Variants in GABRB2 observed in about 807,000 individuals in gnomAD.
GABRB2 encodes the protein gamma-aminobutyric acid receptor subunit beta-2.
In GABRB2, 16 loss-of-function variants were observed where a neutral mutation model predicts 54.7. That is an observed-to-expected ratio of 0.29 (90% CI 0.20 to 0.44). The LOEUF (loss-of-function observed/expected upper bound fraction) is 0.44. Ranked by LOEUF, GABRB2 falls within the 20% of genes least tolerant of loss-of-function variation. The pLI is 1.00. For missense variants in GABRB2, 355 were observed against 644.0 expected, an observed-to-expected ratio of 0.55 and a Z score of 4.86; for synonymous variants, 244 against 233.8, an observed-to-expected ratio of 1.04 and a Z score of -0.40.
chr5:161,542,787 A>G (rs1760860660), intron 3 of GABRB2, among the ~76,000 whole-genome samples: 1 of 152,214 alleles, frequency 6.6e-6, no homozygotes, highest in African/African-American at 2.4e-5. Context: ...TTGAAGTTTC[A>G]TTTAAGTAAC....
chr5:161,434,099 T>C (rs1247477648), intron 4 of GABRB2, among the ~76,000 whole-genome samples: 1 of 152,174 alleles, frequency 6.6e-6, no homozygotes, highest in Non-Finnish European at 1.5e-5. Flanking sequence ...ATTAAAATAA[T>C]GTATTGTGGA....
At chr5:161,331,552 G>A (rs1232781692) in intron 7 of GABRB2, among the ~76,000 whole-genome samples, 2 of 152,026 alleles carry the variant, frequency 1.3e-5, no homozygotes, top group Non-Finnish European at 2.9e-5. Context: ...CCAGAACTGG[G>A]GGTCAAAAGT....
At chr5:161,453,927 A>G (rs1757867534) in intron 4 of GABRB2, among the ~76,000 whole-genome samples, 1 of 151,348 alleles carries the variant, frequency 6.6e-6, no homozygotes, top group Non-Finnish European at 1.5e-5. Flanking sequence ...AATCCTAGTT[A>G]CTCGGGAGGC....
chr5:161,388,458 C>A (rs375099463), intron 5 of GABRB2, among the ~76,000 whole-genome samples: 1 of 151,964 alleles, frequency 6.6e-6, no homozygotes, highest in African/African-American at 2.4e-5. Context: ...TTTTATTATG[C>A]ACATCACATA....
At chr5:161,334,614 TCA>T in intron 7 of GABRB2, 136 bp downstream of exon 7, 1 of 768,682 alleles carries the variant, frequency 1.3e-6, no homozygotes, top group Non-Finnish European at 2.1e-6. Context: ...ACCCAAAGTC[TCA>T]TAGCGAAACT....
At chr5:161,493,460 A>G (rs1440879781) in intron 3 of GABRB2, among the ~76,000 whole-genome samples, 2 of 151,644 alleles carry the variant, frequency 1.3e-5, no homozygotes, top group Non-Finnish European at 3.0e-5. Context: ...TTATTTCCCC[A>G]TTGGTTTGAA....
At chr5:161,317,905 A>C (rs2113375342) in intron 9 of GABRB2, among the ~76,000 whole-genome samples, 1 of 152,214 alleles carries the variant, frequency 6.6e-6, no homozygotes, top group African/African-American at 2.4e-5. Flanking sequence ...ATACAAGTTA[A>C]AATAACAAGA....
chr5:161,533,702 A>C (rs1760538721), intron 3 of GABRB2, among the ~76,000 whole-genome samples: 1 of 152,154 alleles, frequency 6.6e-6, no homozygotes, highest in Non-Finnish European at 1.5e-5. Flanking sequence ...AAGATAATAA[A>C]TTAAAATGTA....
At chr5:161,298,031 C>T (rs1177751965) in intron 9 of GABRB2, among the ~76,000 whole-genome samples, 1 of 152,120 alleles carries the variant, frequency 6.6e-6, no homozygotes. Flanking sequence ...CTCTAATGAC[C>T]AGTGATGATG....
At chr5:161,401,575 C>T (rs867383932) in intron 5 of GABRB2, among the ~76,000 whole-genome samples, 4 of 152,212 alleles carry the variant, frequency 2.6e-5, no homozygotes, top group South Asian at 2.1e-4. Context: ...TTACCTTGTA[C>T]AATAATTGTA....
At chr5:161,505,424 C>T (rs200939296) in intron 3 of GABRB2, among the ~76,000 whole-genome samples, 1 of 152,128 alleles carries the variant, frequency 6.6e-6, no homozygotes, top group African/African-American at 2.4e-5. Context: ...AGCCACCGCA[C>T]CCAGCCAAGT....
chr5:161,298,144 T>C (rs1757436759), intron 9 of GABRB2, among the ~76,000 whole-genome samples: 1 of 152,206 alleles, frequency 6.6e-6, no homozygotes, highest in Non-Finnish European at 1.5e-5. Flanking sequence ...CTCTTGTTAA[T>C]TTGTTTAAGT....
intron 4 of GABRB2, among the ~76,000 whole-genome samples, chr5:161,417,642 T>G (rs567156676): frequency 6.6e-6 from 1 of 152,238 alleles, no homozygotes; most frequent in Non-Finnish European, 1.5e-5. Context: ...TTTTGTAATT[T>G]TGTTTTACCC....
At chr5:161,522,810 G>T (rs1179942286) in intron 3 of GABRB2, among the ~76,000 whole-genome samples, 1 of 151,416 alleles carries the variant, frequency 6.6e-6, no homozygotes, top group Non-Finnish European at 1.5e-5. Context: ...TTAACATACA[G>T]CTGTTTTGAC....
At chr5:161,456,320 C>T (rs1220707826) in intron 4 of GABRB2, among the ~76,000 whole-genome samples, 1 of 152,196 alleles carries the variant, frequency 6.6e-6, no homozygotes, top group Non-Finnish European at 1.5e-5. Context: ...TAAACTGGAA[C>T]CAGTGTGAAC....
intron 3 of GABRB2, among the ~76,000 whole-genome samples, chr5:161,515,150 T>A (rs1356718582): frequency 6.6e-6 from 1 of 152,158 alleles, no homozygotes; most frequent in Non-Finnish European, 1.5e-5. Context: ...AAAGTTAATC[T>A]CTTCTTCGGG....
chr5:161,460,305 T>A (rs767473450), intron 3 of GABRB2, among the ~76,000 whole-genome samples: 28 of 152,082 alleles, frequency 1.8e-4, no homozygotes, highest in Non-Finnish European at 3.4e-4. Flanking sequence ...TGTGTGTATG[T>A]ATGGCCACAA....
intron 4 of GABRB2, among the ~76,000 whole-genome samples, chr5:161,448,629 G>A (rs937642861): frequency 1.3e-5 from 2 of 152,014 alleles, no homozygotes; most frequent in Non-Finnish European, 2.9e-5. Flanking sequence ...CCCTAATCTG[G>A]AGTTTTTTTG....
At chr5:161,519,213 T>C (rs1467450746) in intron 3 of GABRB2, among the ~76,000 whole-genome samples, 4 of 152,162 alleles carry the variant, frequency 2.6e-5, no homozygotes, top group Non-Finnish European at 5.9e-5. Context: ...ACTGAACTGA[T>C]AATATTTTGG....
Sources: gnomAD v4.1 joint callset for allele counts (sites outside exome capture counted in the v4.1 genomes callset) on GRCh38, gnomAD v4.1.1 for gene constraint, MANE v1.5 for transcripts, NCBI Gene and HGNC (gene_info 2026-07-23, HGNC 2026-07-21) for gene names.